Variants in RUVBL1 observed in about 807,000 individuals in gnomAD.
RUVBL1 encodes the protein ruvB-like 1.
In RUVBL1, 4 loss-of-function variants were observed where a neutral mutation model predicts 52.4. That is an observed-to-expected ratio of 0.08 (90% CI 0.04 to 0.17). The LOEUF (loss-of-function observed/expected upper bound fraction) is 0.17, where lower values mean the gene tolerates loss of function less well. RUVBL1 is among the 10% of genes least tolerant of loss of function. The pLI, the probability that RUVBL1 is intolerant of heterozygous loss-of-function variation, is 1.00. For missense variants in RUVBL1, 298 were observed against 572.8 expected (o/e 0.52, Z 4.90); for synonymous variants, 217 against 214.4 (o/e 1.01, Z -0.10).
chr3:128,091,179 G>A (rs1942824517), intron 8 of RUVBL1, among the ~76,000 whole-genome samples: 1 of 152,014 alleles, frequency 6.6e-6, no homozygotes, highest in African/African-American at 2.4e-5. Context: ...GTTTCTTCTA[G>A]AAACCATATT....
chr3:128,102,582 C>T (rs11924392), intron 4 of RUVBL1, among the ~76,000 whole-genome samples: 4,738 of 152,246 alleles, frequency 0.031, 248 homozygotes, highest in African/African-American at 0.11. Context: ...GTGAAAGAAG[C>T]CAGATACAAA....
At chr3:128,119,133 G>A (rs936541240) in intron 2 of RUVBL1, among the ~76,000 whole-genome samples, 195 bp downstream of exon 2, 2 of 152,156 alleles carry the variant, frequency 1.3e-5, no homozygotes, top group Non-Finnish European at 2.9e-5. Context: ...TTTCTTCTCT[G>A]GAGGTAGGCC....
chr3:128,067,276 C>T lies in RUVBL1; in HGVS notation c.940-2056G>A. 2 of 1,290,282 alleles carry T rather than the reference C, an allele frequency of 1.6e-6. No homozygotes were observed. The highest frequency in any genetic ancestry group is 2.8e-5 in the South Asian group (2 of 72,538). 79.9% of individuals were successfully genotyped at this position (1,290,282 alleles called of 1,614,324 possible). On this transcript the variant is annotated intron_variant, in intron 9 of 9. Coordinates refer to the RUVBL1 transcript ENST00000464873. This position sits in a 1 kb window ranked among gnomAD's most constrained non-coding sequence, Gnocchi z 4.1. ...TCCATTGTGCCTTTTACAAATTCAG[C>T]ACATTAAATTATCTTTTCAGTAAAA...
At chr3:128,078,280 T>C (rs1349965932), downstream of RUVBL1, among the ~76,000 whole-genome samples, 1 of 152,238 alleles carries the variant, frequency 6.6e-6, no homozygotes, top group East Asian at 1.9e-4. Context: ...GCATGATTCA[T>C]TTAGTCCTAA....
chr3:128,143,173 ATTTTT>A (rs35634913), intron 1 of RUVBL1, among the ~76,000 whole-genome samples: 1 of 133,134 alleles, frequency 7.5e-6, no homozygotes, highest in Non-Finnish European at 1.6e-5. Context: ...ACCCTTATCT[ATTTTT>A]TTTTTTTTTT....
At chr3:128,112,602 C>T (rs1210448835) in intron 3 of RUVBL1, among the ~76,000 whole-genome samples, 3 of 152,138 alleles carry the variant, frequency 2.0e-5, no homozygotes, top group Non-Finnish European at 4.4e-5. Flanking sequence ...ATAAGACTTC[C>T]AGGAAAATAT....
chr3:128,151,134 T>C (rs1944203234), intron 1 of RUVBL1, among the ~76,000 whole-genome samples: 1 of 125,850 alleles, frequency 7.9e-6, no homozygotes, highest in South Asian at 2.2e-4. Context: ...ATATATTCTA[T>C]ATATATTCTA....
chr3:128,095,593 A>G (rs1173217001), intron 8 of RUVBL1, among the ~76,000 whole-genome samples: 2 of 152,206 alleles, frequency 1.3e-5, no homozygotes, highest in Non-Finnish European at 2.9e-5. Context: ...ATGCTGCCAC[A>G]TGGACTTGAA....
At chr3:128,071,396 G>A (rs762028355) in intron 9 of RUVBL1, 1 of 152,606 alleles carries the variant, frequency 6.6e-6, no homozygotes, top group Non-Finnish European at 1.5e-5. Flanking sequence ...GCCTCCCCCA[G>A]CCCACGCTTA....
intron 1 of RUVBL1, chr3:128,153,098 G>T: frequency 2.2e-6 from 1 of 445,254 alleles, no homozygotes; most frequent in Non-Finnish European, 3.0e-6. Context: ...CCTGCTGATT[G>T]GTGCATGTTA....
exon 10 of RUVBL1, chr3:128,065,083 A>C (rs767855319): frequency 2.5e-6 from 4 of 1,597,658 alleles, no homozygotes; most frequent in Non-Finnish European, 3.4e-6. Context: ...TCTGGATTTA[A>C]GTTTCAGAAT....
At position 128,137,720 on chromosome 3, in the gene RUVBL1, C is replaced by A. The variant is rs545703456; in HGVS notation, c.-40+15483G>T. 3.9e-5 allele frequency among the ~76,000 whole-genome samples: 6 copies of A among 152,266 alleles called. No individual in the cohort carries two copies. In the South Asian group the frequency reaches 1.0e-3, roughly 26 times the overall value. ...GTGTTACCCTGATACCCAAATCAGG[C>A]AAAGACGTATCAAAAGAAGAAAAGA... On this transcript the variant is annotated intron_variant, in intron 1 of 9. Transcript: ENST00000464873.
chr3:128,069,572 C>T, intron 9 of RUVBL1: 1 of 1,614,146 alleles, frequency 6.2e-7, no homozygotes. Flanking sequence ...GAACCGGGAT[C>T]CTGCTCGCAG....
At chr3:128,113,872 C>T (rs756500028) in intron 2 of RUVBL1, among the ~76,000 whole-genome samples, 10 of 152,198 alleles carry the variant, frequency 6.6e-5, no homozygotes, top group Admixed American at 2.6e-4. Flanking sequence ...CACCAATCTA[C>T]AACCCATCAG....
intron 1 of RUVBL1, among the ~76,000 whole-genome samples, chr3:128,143,856 T>C (rs1559838165): frequency 6.6e-6 from 1 of 152,140 alleles, no homozygotes; most frequent in African/African-American, 2.4e-5. Context: ...AGGGAAGAAC[T>C]TTCCAAGGAT....
intron 1 of RUVBL1, among the ~76,000 whole-genome samples, chr3:128,145,630 CG>C (rs1559838824): frequency 6.6e-6 from 1 of 151,874 alleles, no homozygotes; most frequent in African/African-American, 2.4e-5. Flanking sequence ...GGGAGAGAAA[CG>C]GAGAGGAGCA....
chr3:128,146,968 A>T lies in RUVBL1; in HGVS notation c.-40+6235T>A, dbSNP rs369293163. Among the ~76,000 whole-genome samples, 7 of 152,398 alleles carry T rather than the reference A, an allele frequency of 4.6e-5. 2 individuals carry two copies. Among genetic ancestry groups the T allele is most frequent in the Admixed American group, 6.5e-5 (1 of 15,310 alleles). On this transcript the variant is annotated intron_variant, in intron 1 of 9. Transcript: ENST00000464873. Reference sequence around the variant, plus strand: ...TCACTCCAGCTTCTGTAAGCAGAACAGGCTATAGGAGAACAAGAGCAGATG... The same window carrying T: ...TCACTCCAGCTTCTGTAAGCAGAACTGGCTATAGGAGAACAAGAGCAGATG...
chr3:128,136,665 C>T (rs891804838), intron 1 of RUVBL1, among the ~76,000 whole-genome samples: 1 of 141,526 alleles, frequency 7.1e-6, no homozygotes, highest in Non-Finnish European at 1.5e-5. Context: ...CTATAAGAAA[C>T]ATATTTCACC....
At chr3:128,075,016 G>T (rs1001896684) in intron 9 of RUVBL1, 2 of 152,190 alleles carry the variant, frequency 1.3e-5, no homozygotes, top group Non-Finnish European at 2.9e-5. Flanking sequence ...GCAGTGCAGT[G>T]CCTAGATGAC....
Sources: allele counts gnomAD v4.1 joint callset (sites outside exome capture counted in the v4.1 genomes callset), GRCh38; gene constraint gnomAD v4.1.1; non-coding constraint Gnocchi (gnomAD v3.1); transcripts MANE v1.5; gene names NCBI Gene and HGNC (gene_info 2026-07-23, HGNC 2026-07-21).